The following MACROD2 variants were observed in gnomAD, a reference collection of about 807,000 sequenced individuals.
MACROD2 encodes the protein ADP-ribose glycohydrolase MACROD2.
Under a neutral mutation model 70.4 loss-of-function variants are expected in MACROD2, and 36 were observed. That is an observed-to-expected ratio of 0.51 (90% confidence interval 0.39 to 0.68). MACROD2 has a LOEUF of 0.68. Among genes scored for constraint, MACROD2 ranks in the 30% least tolerant of loss-of-function variants. The pLI, the probability that MACROD2 is intolerant of heterozygous loss-of-function variation, is 0.00. For missense variants in MACROD2, 496 were observed against 538.4 expected (o/e 0.92, Z 0.78); for synonymous variants, 172 against 178.8 (o/e 0.96, Z 0.30).
At chr20:15,705,458 C>T (rs927995524) in intron 8 of MACROD2, among the ~76,000 whole-genome samples, 4 of 151,970 alleles carry the variant, frequency 2.6e-5, no homozygotes, top group Non-Finnish European at 5.9e-5. Flanking sequence ...CTCACTCTGT[C>T]GCCCAGGCTG....
At chr20:15,187,717 T>C (rs551309514) in intron 5 of MACROD2, among the ~76,000 whole-genome samples, 21 of 152,210 alleles carry the variant, frequency 1.4e-4, no homozygotes, top group Non-Finnish European at 2.5e-4. Context: ...TTATTACAAA[T>C]ACTTAGCATT....
intron 10 of MACROD2, among the ~76,000 whole-genome samples, chr20:15,897,753 A>G (rs2064995559): frequency 6.6e-6 from 1 of 152,094 alleles, no homozygotes; most frequent in Non-Finnish European, 1.5e-5. Flanking sequence ...TTATTTAATT[A>G]ACACATAAAA....
intron 5 of MACROD2, among the ~76,000 whole-genome samples, chr20:14,973,096 T>C (rs1469315223): frequency 6.6e-6 from 1 of 152,144 alleles, no homozygotes; most frequent in African/African-American, 2.4e-5. Context: ...GCTGAGAAAT[T>C]TATCATAAAT....
At chr20:15,582,879 G>A (rs1043220067) in intron 8 of MACROD2, among the ~76,000 whole-genome samples, 1 of 152,150 alleles carries the variant, frequency 6.6e-6, no homozygotes, top group African/African-American at 2.4e-5. Flanking sequence ...AAGTTCTGTC[G>A]GGGTTGAGAG....
intron 10 of MACROD2, among the ~76,000 whole-genome samples, chr20:15,931,993 C>T (rs1055241571): frequency 3.9e-5 from 6 of 152,062 alleles, no homozygotes; most frequent in Admixed American, 1.3e-4. Context: ...GAGGAGATGG[C>T]GGGTCAAAGC....
At chr20:14,795,354 G>A (rs1032309507) in intron 5 of MACROD2, among the ~76,000 whole-genome samples, 3 of 152,108 alleles carry the variant, frequency 2.0e-5, no homozygotes, top group Non-Finnish European at 4.4e-5. Flanking sequence ...GATAAAGATG[G>A]TGGTTTGAGA....
At chr20:14,645,021 T>C (rs1472078965) in intron 4 of MACROD2, among the ~76,000 whole-genome samples, 2 of 152,172 alleles carry the variant, frequency 1.3e-5, no homozygotes, top group Non-Finnish European at 2.9e-5. Flanking sequence ...AACATATTAT[T>C]TGCACAGGGG....
chr20:15,323,302 A>G (rs190102301), intron 6 of MACROD2, among the ~76,000 whole-genome samples: 3 of 152,312 alleles, frequency 2.0e-5, no homozygotes, highest in Non-Finnish European at 4.4e-5. Flanking sequence ...TTACAAGTAA[A>G]GTCTATAATG....
intron 3 of MACROD2, among the ~76,000 whole-genome samples, chr20:14,295,215 T>A (rs1279470517): frequency 6.6e-6 from 1 of 151,896 alleles, no homozygotes; most frequent in Non-Finnish European, 1.5e-5. Flanking sequence ...TTTATTACTC[T>A]TGGGGAAGTT....
rs1338768364 is a variant in MACROD2, at chr20:15,857,554, C to T, written c.646-5191C>T. ...CTGTGGGGCCAGCTGCTACTCCACA[C>T]CCATGTGATAAGCAACAGCATGCAT... On this transcript the variant is annotated intron_variant, in intron 8 of 17. Transcript: ENST00000684519. 2.0e-5 allele frequency among the ~76,000 whole-genome samples: 3 copies of T among 152,202 alleles called. No homozygotes were observed. In the East Asian group the frequency reaches 5.8e-4, roughly 29 times the overall value.
chr20:15,979,649 A>G (rs1017105205), intron 13 of MACROD2, among the ~76,000 whole-genome samples: 1 of 152,110 alleles, frequency 6.6e-6, no homozygotes, highest in Non-Finnish European at 1.5e-5. Context: ...CCTCAGCACA[A>G]AATCTTTCAT....
intron 4 of MACROD2, among the ~76,000 whole-genome samples, chr20:14,651,678 A>G (rs551100483): frequency 6.6e-6 from 1 of 152,302 alleles, no homozygotes; most frequent in Admixed American, 6.5e-5. Context: ...TGAGAAAGCC[A>G]CTTTGTTATA....
intron 3 of MACROD2, among the ~76,000 whole-genome samples, chr20:14,305,481 G>A (rs1443086222): frequency 1.3e-5 from 2 of 152,024 alleles, no homozygotes; most frequent in Middle Eastern, 3.2e-3. Context: ...AGAGAGAAGA[G>A]GGCCTAGAAT....
At chr20:14,238,946 G>A (rs1470410949) in intron 3 of MACROD2, among the ~76,000 whole-genome samples, 2 of 148,804 alleles carry the variant, frequency 1.3e-5, no homozygotes, top group Non-Finnish European at 3.0e-5. Flanking sequence ...AGAATCGCTT[G>A]AACCTGGGAG....
intron 3 of MACROD2, among the ~76,000 whole-genome samples, chr20:14,157,173 GTC>G (rs2055114759): frequency 6.6e-6 from 1 of 152,146 alleles, no homozygotes; most frequent in Admixed American, 6.5e-5. Context: ...TGCTATGAGA[GTC>G]TGTTTTTGGA....
chr20:15,384,274 T>C (rs1207544276), intron 6 of MACROD2, among the ~76,000 whole-genome samples: 1 of 151,980 alleles, frequency 6.6e-6, no homozygotes, highest in East Asian at 1.9e-4. Context: ...TTATCCCTTT[T>C]TGAGACAGAG....
At chr20:15,961,894 A>T (rs2066066859) in intron 12 of MACROD2, among the ~76,000 whole-genome samples, 1 of 152,214 alleles carries the variant, frequency 6.6e-6, no homozygotes, top group Non-Finnish European at 1.5e-5. Context: ...CAAGATGAGA[A>T]AGAAATCAGA....
rs560050611 is a variant in MACROD2 at position 15,201,634 on chromosome 20, G to T, written c.419-28306G>T. Among the ~76,000 whole-genome samples, 7 of 152,250 alleles carry T rather than the reference G, an allele frequency of 4.6e-5. No individual in the cohort carries two copies. The South Asian group carries it at 1.5e-3, about 32-fold the overall frequency. ...TAGGAAACAACACTTTATTATTTGAGAATCTTTTGCACTTAAGGTATTTTA... is the reference window on the plus strand; with the variant it reads ...TAGGAAACAACACTTTATTATTTGATAATCTTTTGCACTTAAGGTATTTTA... On this transcript the variant is annotated intron_variant, in intron 5 of 17. Coordinates refer to ENST00000684519, the MANE Select transcript of MACROD2 (RefSeq NM_001351661.2).
At chr20:15,873,833 T>C (rs2064622360) in intron 9 of MACROD2, among the ~76,000 whole-genome samples, 1 of 152,156 alleles carries the variant, frequency 6.6e-6, no homozygotes, top group Non-Finnish European at 1.5e-5. Flanking sequence ...ATTTTAAGCC[T>C]ATGGACTTCG....
Sources: allele counts gnomAD v4.1 joint callset (sites outside exome capture counted in the v4.1 genomes callset), GRCh38; gene constraint gnomAD v4.1.1; transcripts MANE v1.5; gene names NCBI Gene and HGNC (gene_info 2026-07-23, HGNC 2026-07-21).